ALDH4A1: variants seen among roughly 807,000 people sequenced by gnomAD.
ALDH4A1 encodes aldehyde dehydrogenase 4 family member A1, also known as delta-1-pyrroline-5-carboxylate dehydrogenase, mitochondrial.
In ALDH4A1, 46 loss-of-function variants were observed where a neutral mutation model predicts 70.5. The ratio of observed to expected loss-of-function variants is 0.65; its 90% CI spans 0.51 to 0.83. ALDH4A1 has a LOEUF of 0.83. Among genes scored for constraint, ALDH4A1 ranks in the 40% least tolerant of loss-of-function variants. The pLI is 0.00. For missense variants in ALDH4A1, 749 were observed against 766.5 expected, an observed-to-expected ratio of 0.98 and a Z score of 0.27; for synonymous variants, 323 against 324.3, an observed-to-expected ratio of 1.00 and a Z score of 0.04.
At chr1:18,894,776 C>A (rs1322713258) in intron 1 of ALDH4A1, among the ~76,000 whole-genome samples, 1 of 151,924 alleles carries the variant, frequency 6.6e-6, no homozygotes, top group Middle Eastern at 3.2e-3. Flanking sequence ...AGAACAGACA[C>A]TAGTTCAAAG....
In ALDH4A1 at chr1:18,876,472, G is replaced by A. The variant is rs773116827; in HGVS notation, c.1186-5C>T. ...CTTCTTGATACGGGCAAAGGACTGGGGTGGGCAGGGAGGAGGGAGGTCTAA... is the reference window on the plus strand; with the variant it reads ...CTTCTTGATACGGGCAAAGGACTGGAGTGGGCAGGGAGGAGGGAGGTCTAA... On this transcript the variant is annotated splice_region_variant and splice_polypyrimidine_tract_variant and intron_variant, in intron 11 of 14. Coordinates refer to ENST00000375341, the MANE Select transcript of ALDH4A1 (RefSeq NM_003748.4). The A allele has an allele frequency of 5.7e-6, 9 of 1,583,962 alleles. No individual in the cohort carries two copies. Among genetic ancestry groups the A allele is most frequent in the Non-Finnish European group, 7.7e-6 (9 of 1,168,512 alleles).
chr1:18,889,432 C>T lies in ALDH4A1; in HGVS notation c.179G>A (p.Arg60Gln), dbSNP rs114609576. ...CACCACGCATGGGATGGCTTCCATC[C>T]GGCCCTTCAGGTCCTTCAAGGCCTG... is the stretch of plus-strand genomic sequence containing the variant. ...LQKALKDLKG[R>Q]MEAIPCVVGD... Residue 60 changes from arginine (R) to glutamine (Q), a missense_variant, in exon 3 of 15, where the codon CGG becomes CAG. By Grantham distance (43) the Arg-to-Gln change is conservative. Coordinates refer to ENST00000375341, the MANE Select transcript of ALDH4A1 (RefSeq NM_003748.4). The T allele has an allele frequency of 5.7e-5, 89 of 1,552,292 alleles. No individual in the cohort carries two copies. In the Admixed American group the frequency reaches 1.4e-3, roughly 25 times the overall value.
Position 18,877,623 on chromosome 1 carries a change from C to T in ALDH4A1, c.941-11G>A, listed in dbSNP as rs1303040116. 3 of 1,589,116 alleles carry T rather than the reference C, an allele frequency of 1.9e-6. No individual in the cohort carries two copies. Among genetic ancestry groups the T allele is most frequent in the Non-Finnish European group, 1.7e-6 (2 of 1,167,778 alleles). Reference sequence around the variant, plus strand: ...TCTTTCCGCCGCACTCTACAGGGGTCGGGGGTGGGGAAATGACCAGAGGAG... The same window carrying T: ...TCTTTCCGCCGCACTCTACAGGGGTTGGGGGTGGGGAAATGACCAGAGGAG... On this transcript the variant is annotated splice_polypyrimidine_tract_variant and intron_variant, in intron 9 of 14. Coordinates refer to ENST00000375341, the MANE Select transcript of ALDH4A1 (RefSeq NM_003748.4).
At chr1:18,899,937 A>G (rs1935744721) in intron 1 of ALDH4A1, among the ~76,000 whole-genome samples, 1 of 152,240 alleles carries the variant, frequency 6.6e-6, no homozygotes, top group South Asian at 2.1e-4. Context: ...TGTAAGGCAG[A>G]CAAGTGTATA....
Position 18,874,524 on chromosome 1 carries a change from G to A in ALDH4A1, c.1518C>T (p.Ile506=), listed in dbSNP as rs1191499223. 1.9e-6 allele frequency: 3 copies of A among 1,614,188 alleles called. No homozygotes were observed. The highest frequency in any genetic ancestry group is 4.5e-5 in the East Asian group (2 of 44,880). ...VLRNAAGNFY[I]NDKSTGSIVG... is the part of the protein sequence containing the mutation. ...CTATCGAGCCAGTGGACTTGTCGTT[G>A]ATGTAGAAGTTGCCGGCAGCATTCC... The change falls in exon 14 of 15, where the codon ATC becomes ATT. Residue 506 remains isoleucine, a synonymous_variant. Transcript: ENST00000375341.
intron 10 of ALDH4A1, 25 bp from the exon 11 acceptor site, chr1:18,877,280 G>A: frequency 6.3e-7 from 1 of 1,597,094 alleles, no homozygotes; most frequent in Non-Finnish European, 8.5e-7. Flanking sequence ...GGCGCCAGAA[G>A]AGACGAGTCA....
At chr1:18,892,202 C>T (rs1230910001) in intron 1 of ALDH4A1, among the ~76,000 whole-genome samples, 1 of 152,122 alleles carries the variant, frequency 6.6e-6, no homozygotes, top group Admixed American at 6.5e-5. Context: ...AAGACCCAGC[C>T]TGGGAAGCCT....
intron 13 of ALDH4A1, 38 bp from the exon 14 acceptor site, chr1:18,874,619 A>T: frequency 6.3e-7 from 1 of 1,599,874 alleles, no homozygotes; most frequent in Non-Finnish European, 8.6e-7. Context: ...CAACCAGCTC[A>T]TCTCCCCTCC....
intron 1 of ALDH4A1, among the ~76,000 whole-genome samples, chr1:18,892,242 G>A (rs1183298642): frequency 6.6e-6 from 1 of 152,114 alleles, no homozygotes; most frequent in Admixed American, 6.5e-5. Flanking sequence ...AAAGGAGTGT[G>A]GCCAGGCCCT....
chr1:18,877,496 G>C lies in ALDH4A1; in HGVS notation c.1057C>G (p.Arg353Gly). The C allele has an allele frequency of 1.2e-6, 2 of 1,606,422 alleles. No individual in the cohort carries two copies. Among genetic ancestry groups the C allele is most frequent in the Non-Finnish European group, 1.7e-6 (2 of 1,176,868 alleles). Residue 353 changes from arginine (R) to glycine (G), a missense_variant, in exon 10 of 15, where the codon CGT (arginine) becomes GGT (glycine). Coordinates refer to ENST00000375341, the MANE Select transcript of ALDH4A1 (RefSeq NM_003748.4). ...YGGQKCSACSRLYVPHSLWPQ... is the reference protein window; with the variant it reads ...YGGQKCSACSGLYVPHSLWPQ... ...CACAGCGAGTGCGGCACGTAGAGAC[G>C]CGAGCACGCGGAACACTTCTGGCCA... is the stretch of plus-strand genomic sequence containing the variant.
chr1:18,885,628 TC>T lies in ALDH4A1; in HGVS notation c.298-1del. On this transcript the variant is annotated splice_acceptor_variant, in intron 4 of 14. Coordinates refer to ENST00000375341, the MANE Select transcript of ALDH4A1 (RefSeq NM_003748.4). LOFTEE classifies it high-confidence loss of function. ...GCCTCAATGGCTTTGTTGAGCAGGC[TC>T]TAAAGGGAGAGGGAGAGGTTGGGGA... The T allele has an allele frequency of 6.2e-7, 1 of 1,613,898 alleles. No homozygotes were observed. The highest frequency in any genetic ancestry group is 8.5e-7 in the Non-Finnish European group (1 of 1,180,000).
chr1:18,900,894 T>C, intron 1 of ALDH4A1: 1 of 985,282 alleles, frequency 1.0e-6, no homozygotes, highest in Non-Finnish European at 1.2e-6. Flanking sequence ...GTTAGGCCCA[T>C]GGTGCTTGAT....
At chr1:18,901,767 C>G (rs1935806004) in intron 1 of ALDH4A1, among the ~76,000 whole-genome samples, 1 of 152,222 alleles carries the variant, frequency 6.6e-6, no homozygotes, top group African/African-American at 2.4e-5. Context: ...TGCCTTTGTG[C>G]TGGGCACTGT....
In ALDH4A1 at chr1:18,872,558, A is replaced by C; in HGVS notation, c.*287T>G. 3.3e-6 allele frequency: 1 copy of C among 305,272 alleles called. No homozygotes were observed. The allele number at this position is 305,272 out of a possible 1,614,324, so 18.9% of individuals were successfully genotyped here. A position where few individuals can be genotyped will look rare whatever the true frequency, so the allele number is the denominator to read the frequency against. The stretch of plus-strand genomic sequence containing the variant: ...TCTCCTTTCCCCAGGTCCCTGAGCC[A>C]CTGGGCCCAGTGGAGGGCAGAGGGA... On this transcript the variant is annotated 3_prime_UTR_variant, in exon 15 of 15. Transcript: ENST00000375341.
chr1:18,894,494 G>A (rs1415863450), intron 1 of ALDH4A1, among the ~76,000 whole-genome samples: 3 of 152,270 alleles, frequency 2.0e-5, no homozygotes, highest in Non-Finnish European at 4.4e-5. Context: ...AGTGAGCCCA[G>A]ATCGTGCCAC....
rs552580475 is a variant in ALDH4A1, at chr1:18,886,635, C to T, written c.250-124G>A. 1.5e-4 allele frequency: 154 copies of T among 1,057,564 alleles called. 1 individual carries two copies. Among genetic ancestry groups the T allele is most frequent in the South Asian group, 2.9e-4 (22 of 74,592 alleles). The allele number at this position is 1,057,564 out of a possible 1,614,324, so 65.5% of individuals were successfully genotyped here. A position where few individuals can be genotyped will look rare whatever the true frequency, so the allele number is the denominator to read the frequency against. ...GACACGCCTGCTGTCCCCCCTCCCC[C>T]GCTCCCATGAAACCCTCCCCAGTGC... On this transcript the variant is annotated intron_variant, in intron 3 of 14. Transcript: ENST00000375341.
Position 18,876,336 on chromosome 1 carries a change from AG to A in ALDH4A1, c.1316del (p.Pro439LeufsTer6), listed in dbSNP as rs770841949. ...VEPCIVESKDPQEPIMKEEIF... is the reference protein window; with the variant it reads ...VEPCIVESKDXQEPIMKEEIF... ...TCACCTCCTTCATGATGGGCTCCTG[AG>A]GGTCCTTGCTCTCCACGATGCAGGG... On this transcript the variant is annotated frameshift_variant, in exon 12 of 15. Transcript: ENST00000375341. LOFTEE classifies it high-confidence loss of function. 6.2e-7 allele frequency: 1 copy of A among 1,613,846 alleles called. No homozygotes were observed. The highest frequency in any genetic ancestry group is 1.1e-5 in the South Asian group (1 of 91,068).
At chr1:18,874,112 C>G (rs1166880554) in intron 14 of ALDH4A1, among the ~76,000 whole-genome samples, 4 of 152,224 alleles carry the variant, frequency 2.6e-5, no homozygotes, top group Non-Finnish European at 1.5e-5. Context: ...GAGCAGTCAC[C>G]TTTGGCAAGC....
At chr1:18,882,661 T>A (rs546316016) in intron 7 of ALDH4A1, 5 of 542,806 alleles carry the variant, frequency 9.2e-6, no homozygotes, top group African/African-American at 5.7e-5. Flanking sequence ...GAGTCACAAC[T>A]CCCTCTCGAA....
Sources: allele counts gnomAD v4.1 joint callset (sites outside exome capture counted in the v4.1 genomes callset), GRCh38; gene constraint gnomAD v4.1.1; transcripts MANE v1.5; gene names NCBI Gene and HGNC (gene_info 2026-07-23, HGNC 2026-07-21).